The following GPC2 variants were observed in gnomAD, a reference collection of about 807,000 sequenced individuals.
GPC2 encodes the protein glypican 2.
Under a neutral mutation model 57.3 loss-of-function variants are expected in GPC2, and 42 were observed. The observed-to-expected ratio is 0.73, with a 90% CI of 0.57 to 0.95. The LOEUF is 0.95. GPC2 is among the 40% of genes least tolerant of loss of function. GPC2 has a pLI of 0.00. For synonymous variants in GPC2, 364 were observed against 343.4 expected (o/e 1.06, Z -0.66); for missense variants, 745 against 793.6 (o/e 0.94, Z 0.74).
chr7:100,173,205 T>G (rs1799213194), intron 5 of GPC2, among the ~76,000 whole-genome samples: 2 of 152,044 alleles, frequency 1.3e-5, no homozygotes, highest in African/African-American at 4.8e-5. Flanking sequence ...GACCTGTCCT[T>G]GTGATCCGCC....
At chr7:100,172,287 C>G in intron 5 of GPC2, 70 bp from the exon 6 acceptor site, 1 of 1,530,240 alleles carries the variant, frequency 6.5e-7, no homozygotes. Context: ...TCCTGAAAAT[C>G]CTCACTCGGG....
At position 100,176,203 on chromosome 7, in the gene GPC2, T is replaced by C; in HGVS notation, c.325+4A>G. The C allele has an allele frequency of 6.2e-7, 1 of 1,601,080 alleles. No individual in the cohort carries two copies. Among genetic ancestry groups the C allele is most frequent in the South Asian group, 1.1e-5 (1 of 89,478 alleles). On this transcript the variant is annotated splice_donor_region_variant and intron_variant, in intron 2 of 9. Coordinates refer to ENST00000292377, the MANE Select transcript of GPC2 (RefSeq NM_152742.3). ...AGCTGAGTTTGGGGACCCCAGGTCC[T>C]CACCATCAAATTTTCTGTGCCTGGC... is the stretch of plus-strand genomic sequence containing the variant.
rs200469639 is a variant in GPC2 at position 100,177,093 on chromosome 7, C to T, written c.107G>A (p.Arg36Gln). 2.5e-6 allele frequency: 4 copies of T among 1,612,980 alleles called. No individual in the cohort carries two copies. The highest frequency in any genetic ancestry group is 1.7e-5 in the Admixed American group (1 of 59,918). Residue 36 changes from arginine to glutamine, a missense_variant, in exon 1 of 10, where the codon CGG becomes CAG. Physicochemically the swap from Arg to Gln is conservative, Grantham distance 43. Transcript: ENST00000292377. ...ATATCCCCGGGCCCCCAGCACCTGC[C>T]GGGTCTCTGCACAACTCCGGGTGAC... is the stretch of plus-strand genomic sequence containing the variant. The part of the protein sequence containing the change: ...AKVTRSCAET[R>Q]QVLGARGYSL...
At chr7:100,176,437 T>G in intron 1 of GPC2, 72 bp from the exon 2 acceptor site, 11 of 1,404,114 alleles carry the variant, frequency 7.8e-6, no homozygotes, top group Non-Finnish European at 9.9e-6. Flanking sequence ...CGCCTATCTC[T>G]GGGGACTATG....
At chr7:100,172,292 C>T in intron 5 of GPC2, 75 bp from the exon 6 acceptor site, 1 of 1,503,378 alleles carries the variant, frequency 6.7e-7, no homozygotes. Context: ...AAAATCCTCA[C>T]TCGGGCCTTA....
At position 100,175,758 on chromosome 7, in the gene GPC2, T is replaced by A; in HGVS notation, c.462A>T (p.Glu154Asp). 1 of 1,614,024 alleles carries A rather than the reference T, an allele frequency of 6.2e-7. No individual in the cohort carries two copies. Among genetic ancestry groups the A allele is most frequent in the Non-Finnish European group, 8.5e-7 (1 of 1,179,992 alleles). Reference protein sequence around the residue: ...LFSRLRDFYGESGEGLDDTLA... With the variant: ...LFSRLRDFYGDSGEGLDDTLA... ...GGGTGTCATCCAACCCCTCACCAGA[T>A]TCCCCATAGAAGTCTCGCAGCCGAG... Residue 154 changes from glutamate (E) to aspartate (D), a missense_variant, in exon 3 of 10, where the codon GAA becomes GAT. By Grantham distance (45) the Glu-to-Asp change is conservative. Transcript: ENST00000292377.
Position 100,177,335 on chromosome 7 carries a change from C to A in GPC2, c.-136G>T, listed in dbSNP as rs934260789. 7 of 695,470 alleles carry A rather than the reference C, an allele frequency of 1.0e-5. No individual in the cohort carries two copies. The highest frequency in any genetic ancestry group is 9.2e-5 in the African/African-American group (5 of 54,086). The allele number at this position is 695,470 out of a possible 1,614,324, so 43.1% of individuals were successfully genotyped here. A position where few individuals can be genotyped will look rare whatever the true frequency, so the allele number is the denominator to read the frequency against. On this transcript the variant is annotated 5_prime_UTR_variant, in exon 1 of 10. Transcript: ENST00000292377. ...AGCGCTGCTCCGGAAAACTGAATAC[C>A]GAGCACGATAGCTGGACCAGGCGGC...
Position 100,171,194 on chromosome 7 carries a change from TA to T in GPC2, c.1486+66del. ...TAAGAGCAGAGGCACGGGCGGGAAC[TA>T]CCAGGAGAGGGGAGAGGCTTCAGGG... On this transcript the variant is annotated intron_variant, in intron 9 of 9. Transcript: ENST00000292377. The surrounding 1 kb of genome is among the most constrained non-coding windows in gnomAD (Gnocchi z 4.8). 2 of 1,366,380 alleles carry T rather than the reference TA, an allele frequency of 1.5e-6. No homozygotes were observed. Among genetic ancestry groups the T allele is most frequent in the South Asian group, 2.8e-5 (2 of 71,086 alleles). The allele number at this position is 1,366,380 out of a possible 1,614,324, so 84.6% of individuals were successfully genotyped here.
chr7:100,171,384 C>T lies in GPC2; in HGVS notation c.1363G>A (p.Glu455Lys), dbSNP rs1799173742. The T allele has an allele frequency of 1.3e-6, 2 of 1,535,094 alleles. No individual in the cohort carries two copies. Among genetic ancestry groups the T allele is most frequent in the Middle Eastern group, 1.7e-4 (1 of 5,758 alleles). ...GGGCCCGAGGCGTCCACCTTGAGCT[C>T]GGGGTTGTTGACCTGCTCGGCCGGG... ...GSPAEQVNNP[E>K]LKVDASGPDV... The change falls in exon 9 of 10, where the codon GAG becomes AAG. Residue 455 changes from glutamate to lysine, a missense_variant. Around this residue, in one of 2 missense-constraint regions of GPC2, gnomAD observed 607 missense variants for 603.9 expected, o/e 1.01. Coordinates refer to ENST00000292377, the MANE Select transcript of GPC2 (RefSeq NM_152742.3). The surrounding 1 kb of genome is among the most constrained non-coding windows in gnomAD (Gnocchi z 4.8).
Position 100,177,026 on chromosome 7 carries a change from C to A in GPC2, c.166+8G>T. Reference sequence around the variant, plus strand: ...CCCCAATTCTCTAGTCTTCCTCTTTCTCCTCACCTGAGATCAGGGCGGGAG... The same window carrying A: ...CCCCAATTCTCTAGTCTTCCTCTTTATCCTCACCTGAGATCAGGGCGGGAG... On this transcript the variant is annotated splice_region_variant and intron_variant, in intron 1 of 9. Coordinates refer to ENST00000292377, the MANE Select transcript of GPC2 (RefSeq NM_152742.3). The A allele has an allele frequency of 1.3e-6, 1 of 798,078 alleles. No homozygotes were observed. Among genetic ancestry groups the A allele is most frequent in the Non-Finnish European group, 1.9e-6 (1 of 533,278 alleles). The allele number at this position is 798,078 out of a possible 1,614,324, so 49.4% of individuals were successfully genotyped here.
At position 100,171,618 on chromosome 7, in the gene GPC2, T is replaced by C; in HGVS notation, c.1231A>G (p.Thr411Ala). 2 of 1,535,604 alleles carry C rather than the reference T, an allele frequency of 1.3e-6. No individual in the cohort carries two copies. The highest frequency in any genetic ancestry group is 1.4e-5 in the African/African-American group (1 of 70,282). ...GCCATGCGAGAGTCTCCGCACACCG[T>C]CAGGGACAGCCGGGCCCAGAAGCCC... ...MRGFWARLSL[T>A]VCGDSRMAAD... Residue 411 changes from threonine to alanine, a missense_variant, in exon 8 of 10, where the codon ACG becomes GCG. This residue lies in a region of GPC2 where 607 missense variants were observed against 603.9 expected (regional missense o/e 1.01). Transcript: ENST00000292377. The surrounding 1 kb of genome is among the most constrained non-coding windows in gnomAD (Gnocchi z 4.8).
intron 3 of GPC2, 73 bp from the exon 4 acceptor site, chr7:100,174,838 T>G: frequency 8.8e-7 from 1 of 1,136,986 alleles, no homozygotes; most frequent in Non-Finnish European, 1.3e-6. Flanking sequence ...GCCAAGAGAC[T>G]GCATCAAGAG....
At position 100,170,161 on chromosome 7, in the gene GPC2, A is replaced by G; in HGVS notation, c.*69T>C. ...CTGCAGCCCCCTTCGACTCCTCCCC[A>G]GGCCCAGCTGAGGGGGGAGGAGGGG... On this transcript the variant is annotated 3_prime_UTR_variant, in exon 10 of 10. Transcript: ENST00000292377. The G allele has an allele frequency of 2.1e-6, 3 of 1,455,008 alleles. No homozygotes were observed. The highest frequency in any genetic ancestry group is 1.4e-5 in the South Asian group (1 of 71,266). The allele number at this position is 1,455,008 out of a possible 1,614,324, so 90.1% of individuals were successfully genotyped here.
At chr7:100,176,651 C>A (rs1363720405) in intron 1 of GPC2, among the ~76,000 whole-genome samples, 1 of 152,164 alleles carries the variant, frequency 6.6e-6, no homozygotes, top group East Asian at 1.9e-4. Context: ...CACCCCAGAC[C>A]TCGAGGGACT....
chr7:100,171,839 C>A lies in GPC2; in HGVS notation c.1110G>T (p.Trp370Cys). The change falls in exon 7 of 10, where the codon TGG becomes TGT. Residue 370 changes from tryptophan (W) to cysteine (C), a missense_variant. By Grantham distance (215) the Trp-to-Cys change is radical (BLOSUM62 -2). Transcript: ENST00000292377. The surrounding 1 kb of genome is among the most constrained non-coding windows in gnomAD (Gnocchi z 4.8). ...GCCGCTCCTCCTCGGTCACCATCGA[C>A]CACAGCCGGCCCGCCTCTTCCCGGG... is the stretch of plus-strand genomic sequence containing the variant. ...PPPREEAGRL[W>C]SMVTEEERPT... is the part of the protein sequence containing the mutation. 1 of 1,560,700 alleles carries A rather than the reference C, an allele frequency of 6.4e-7. No individual in the cohort carries two copies. The highest frequency in any genetic ancestry group is 2.3e-5 in the East Asian group (1 of 42,890).
At chr7:100,172,722 CGTATATATATGTGTATATATATGTGT>C (rs1322155036) in intron 5 of GPC2, among the ~76,000 whole-genome samples, 1 of 91,524 alleles carries the variant, frequency 1.1e-5, no homozygotes, top group African/African-American at 5.0e-5. Context: ...TATATATACA[CGTATATATATGTGTATATATATGTGT>C]GTATATATAT....
At position 100,177,245 on chromosome 7, in the gene GPC2, G is replaced by A. The variant is rs746052564; in HGVS notation, c.-46C>T. 6.5e-6 allele frequency: 10 copies of A among 1,533,080 alleles called. No homozygotes were observed. Among genetic ancestry groups the A allele is most frequent in the Non-Finnish European group, 8.8e-6 (10 of 1,132,880 alleles). 95.0% of individuals were successfully genotyped at this position (1,533,080 alleles called of 1,614,324 possible). ...GGCAAAGTGGGTCCTAAGGAGGAAA[G>A]CAGAGCCTCCCAAACTCGGGAATCC... On this transcript the variant is annotated 5_prime_UTR_variant, in exon 1 of 10. Coordinates refer to ENST00000292377, the MANE Select transcript of GPC2 (RefSeq NM_152742.3).
chr7:100,171,477 G>A lies in GPC2; in HGVS notation c.1311-41C>T, dbSNP rs1799175713. 7.4e-7 allele frequency: 1 copy of A among 1,346,808 alleles called. No homozygotes were observed. Among genetic ancestry groups the A allele is most frequent in the Non-Finnish European group, 9.5e-7 (1 of 1,054,526 alleles). The allele number at this position is 1,346,808 out of a possible 1,614,324, so 83.4% of individuals were successfully genotyped here. On this transcript the variant is annotated intron_variant, in intron 8 of 9. Coordinates refer to ENST00000292377, the MANE Select transcript of GPC2 (RefSeq NM_152742.3). This position sits in a 1 kb window ranked among gnomAD's most constrained non-coding sequence, Gnocchi z 4.8. ...CCCCGAAGCGCCAGCTAGCGCGCGC[G>A]GCCCCGCCCCTCCCGGCCGCGGTCC...
chr7:100,171,410 G>A lies in GPC2; in HGVS notation c.1337C>T (p.Ser446Phe), dbSNP rs751259514. The change falls in exon 9 of 10, where the codon TCC becomes TTC. Residue 446 changes from serine to phenylalanine, a missense_variant. Transcript: ENST00000292377. The surrounding 1 kb of genome is among the most constrained non-coding windows in gnomAD (Gnocchi z 4.8). ...GRYLPPVVGG[S>F]PAEQVNNPEL... ...GGGGTTGTTGACCTGCTCGGCCGGG[G>A]AGCCCCCGACCACTGGCGGCAAGTA... is the stretch of plus-strand genomic sequence containing the variant. The A allele has an allele frequency of 2.7e-6, 4 of 1,484,582 alleles. No individual in the cohort carries two copies. Among genetic ancestry groups the A allele is most frequent in the Non-Finnish European group, 2.7e-6 (3 of 1,118,664 alleles). The allele number at this position is 1,484,582 out of a possible 1,614,324, so 92.0% of individuals were successfully genotyped here. A position where few individuals can be genotyped will look rare whatever the true frequency, so the allele number is the denominator to read the frequency against.
Sources: allele counts gnomAD v4.1 joint callset (sites outside exome capture counted in the v4.1 genomes callset), GRCh38; gene constraint gnomAD v4.1.1; regional missense constraint gnomAD v4.1.1; non-coding constraint Gnocchi (gnomAD v3.1); transcripts MANE v1.5; gene names NCBI Gene and HGNC (gene_info 2026-07-23, HGNC 2026-07-21).